The following NIBAN1 variants were observed in gnomAD, a reference collection of about 807,000 sequenced individuals.
NIBAN1 encodes protein Niban 1.
Under a neutral mutation model 75.1 loss-of-function variants are expected in NIBAN1, and 81 were observed. The observed-to-expected ratio is 1.08, with a 90% CI of 0.90 to 1.30. The LOEUF is 1.30. NIBAN1 is among the 50% of genes most tolerant of loss of function. The pLI is 0.00. For missense variants in NIBAN1, 1,133 were observed against 1,128.1 expected, an observed-to-expected ratio of 1.00 and a Z score of -0.06; for synonymous variants, 436 against 424.8, an observed-to-expected ratio of 1.03 and a Z score of -0.32.
At chr1:184,907,837 T>G (rs1408700048) in intron 1 of NIBAN1, among the ~76,000 whole-genome samples, 1 of 152,168 alleles carries the variant, frequency 6.6e-6, no homozygotes, top group Non-Finnish European at 1.5e-5. Flanking sequence ...GCAAAATGAT[T>G]CACGGATAGC....
chr1:184,974,326 C>A lies in NIBAN1; in HGVS notation c.31G>T (p.Glu11Ter), dbSNP rs1370668135. 5.7e-6 allele frequency: 9 copies of A among 1,567,632 alleles called. No individual in the cohort carries two copies. Among genetic ancestry groups the A allele is most frequent in the African/African-American group, 2.7e-5 (2 of 73,782 alleles). The change falls in exon 1 of 14, where the codon GAG becomes TAG. Residue 11 changes from glutamate (E) to a stop codon, truncating the protein, a stop_gained. Transcript: ENST00000367511. LOFTEE classifies it high-confidence loss of function. The stretch of plus-strand genomic sequence containing the variant: ...CCTCGGATGTAAGCGCACTTGCCCT[C>A]GTCCAGCTGGCTGGAGGCTGAGCCG... MGGSASSQLD[E>*]GKCAYIRGKT...
chr1:184,926,914 C>T (rs1439969528), intron 1 of NIBAN1, among the ~76,000 whole-genome samples: 1 of 152,042 alleles, frequency 6.6e-6, no homozygotes, highest in African/African-American at 2.4e-5. Flanking sequence ...AATTCTTTCT[C>T]CTGCTTGATC....
At chr1:184,876,491 A>G (rs1309563801) in intron 5 of NIBAN1, among the ~76,000 whole-genome samples, 6 of 152,104 alleles carry the variant, frequency 3.9e-5, no homozygotes, top group Admixed American at 3.9e-4. Context: ...TGAGGTCAGG[A>G]GTTCGAGACC....
intron 6 of NIBAN1, among the ~76,000 whole-genome samples, chr1:184,826,657 A>G (rs769717300): frequency 4.6e-5 from 7 of 152,240 alleles, no homozygotes; most frequent in Non-Finnish European, 1.0e-4. Flanking sequence ...GAATTTTAGC[A>G]TAAGTGTGAA....
At chr1:184,889,149 A>T (rs961398132) in intron 4 of NIBAN1, among the ~76,000 whole-genome samples, 1 of 152,326 alleles carries the variant, frequency 6.6e-6, no homozygotes, top group East Asian at 1.9e-4. Flanking sequence ...ACACTTCATG[A>T]ATCTCTATGA....
chr1:184,919,908 T>C (rs912686604), intron 1 of NIBAN1, among the ~76,000 whole-genome samples: 1 of 151,890 alleles, frequency 6.6e-6, no homozygotes, highest in African/African-American at 2.4e-5. Flanking sequence ...AATTTCCTTT[T>C]TTCAGGGGCT....
rs1209169971 is a variant in NIBAN1, at chr1:184,834,498, C to T, written c.602-2536G>A. On this transcript the variant is annotated intron_variant, in intron 5 of 13. Coordinates refer to ENST00000367511, the MANE Select transcript of NIBAN1 (RefSeq NM_052966.4). ...ACAGTGTAAAAGCATCCCTATTTCT[C>T]CACATCCTCTCCAGCATCTGTTATT... 4.6e-5 allele frequency among the ~76,000 whole-genome samples: 7 copies of T among 152,158 alleles called. 1 individual carries two copies. The highest frequency in any genetic ancestry group is 2.6e-4 in the Admixed American group (4 of 15,280).
chr1:184,929,026 T>C (rs998006054), intron 1 of NIBAN1, among the ~76,000 whole-genome samples: 2 of 152,186 alleles, frequency 1.3e-5, no homozygotes, highest in Non-Finnish European at 2.9e-5. Context: ...CCCAATGTAA[T>C]GAGAAGTATA....
intron 1 of NIBAN1, among the ~76,000 whole-genome samples, chr1:184,951,671 T>G (rs982512544): frequency 2.6e-5 from 4 of 152,168 alleles, no homozygotes; most frequent in Admixed American, 6.5e-5. Context: ...TCCAGCTTCT[T>G]CCTGTTTGGC....
At chr1:184,831,212 T>C (rs1289720981) in intron 6 of NIBAN1, among the ~76,000 whole-genome samples, 1 of 152,146 alleles carries the variant, frequency 6.6e-6, no homozygotes, top group African/African-American at 2.4e-5. Context: ...GTCAGGATCA[T>C]GAGGAATTAT....
intron 5 of NIBAN1, among the ~76,000 whole-genome samples, chr1:184,852,705 A>G (rs781153761): frequency 2.6e-5 from 4 of 152,192 alleles, no homozygotes; most frequent in Admixed American, 1.3e-4. Context: ...CCATGATAGT[A>G]GTTCAACTTA....
intron 1 of NIBAN1, among the ~76,000 whole-genome samples, chr1:184,971,143 C>T (rs1347865482): frequency 9.2e-5 from 14 of 151,828 alleles, no homozygotes; most frequent in South Asian, 2.1e-4. Flanking sequence ...ATTAGCTGGG[C>T]GTGGTGGCAC....
At chr1:184,936,155 C>A (rs1657954844) in intron 1 of NIBAN1, among the ~76,000 whole-genome samples, 1 of 152,140 alleles carries the variant, frequency 6.6e-6, no homozygotes, top group Admixed American at 6.5e-5. Flanking sequence ...GATTCCATCA[C>A]CAGACCATGA....
chr1:184,938,578 A>C (rs546583845), intron 1 of NIBAN1, among the ~76,000 whole-genome samples: 70 of 152,278 alleles, frequency 4.6e-4, no homozygotes, highest in African/African-American at 1.6e-3. Context: ...ACATAAATAC[A>C]AAAGTAGGTT....
At chr1:184,817,702 A>G (rs1386938009) in intron 9 of NIBAN1, among the ~76,000 whole-genome samples, 3 of 152,132 alleles carry the variant, frequency 2.0e-5, no homozygotes, top group Non-Finnish European at 4.4e-5. Flanking sequence ...TATCCTTTGC[A>G]AAAAGGGGGG....
intron 4 of NIBAN1, among the ~76,000 whole-genome samples, chr1:184,886,839 T>G (rs1656538603): frequency 6.6e-6 from 1 of 152,012 alleles, no homozygotes; most frequent in Non-Finnish European, 1.5e-5. Flanking sequence ...TTCTGGCAAA[T>G]TAATAAATCA....
At chr1:184,909,175 T>C (rs1423605228) in intron 1 of NIBAN1, among the ~76,000 whole-genome samples, 1 of 152,150 alleles carries the variant, frequency 6.6e-6, no homozygotes, top group Non-Finnish European at 1.5e-5. Flanking sequence ...GAACACAACA[T>C]GCACATTAAA....
At chr1:184,841,655 G>A (rs746061498) in intron 5 of NIBAN1, among the ~76,000 whole-genome samples, 2 of 152,212 alleles carry the variant, frequency 1.3e-5, no homozygotes, top group African/African-American at 4.8e-5. Flanking sequence ...ACTAGAACCA[G>A]GGTTGTGTCA....
intron 4 of NIBAN1, among the ~76,000 whole-genome samples, chr1:184,888,664 T>A (rs1571549397): frequency 1.3e-5 from 2 of 152,322 alleles, no homozygotes; most frequent in East Asian, 3.9e-4. Flanking sequence ...CACACAGGAC[T>A]TGTGTTTTTT....
Sources: gnomAD v4.1 joint callset for allele counts (sites outside exome capture counted in the v4.1 genomes callset) on GRCh38, gnomAD v4.1.1 for gene constraint, MANE v1.5 for transcripts, NCBI Gene and HGNC (gene_info 2026-07-23, HGNC 2026-07-21) for gene names.